The following SH3D19 variants were observed in gnomAD, a reference collection of about 807,000 sequenced individuals.
SH3D19 encodes SH3 domain containing 19, also known as SH3 domain-containing protein 19.
Under a neutral mutation model 112.1 loss-of-function variants are expected in SH3D19, and 58 were observed. That is an observed-to-expected ratio of 0.52 (90% confidence interval 0.42 to 0.64). The LOEUF is 0.64. SH3D19 is among the 30% of genes least tolerant of loss of function. The pLI, the probability that SH3D19 is intolerant of heterozygous loss-of-function variation, is 0.00. For synonymous variants in SH3D19, 391 were observed against 448.5 expected (o/e 0.87, Z 1.62); for missense variants, 1,090 against 1,263.4 (o/e 0.86, Z 2.08).
At chr4:151,221,902 C>G (rs770920186) in intron 2 of SH3D19, among the ~76,000 whole-genome samples, 1 of 152,092 alleles carries the variant, frequency 6.6e-6, no homozygotes, top group Non-Finnish European at 1.5e-5. Flanking sequence ...AACAATGGAC[C>G]CTCCTTCAAC....
At chr4:151,279,851 A>G in intron 1 of SH3D19, 1 of 1,603,606 alleles carries the variant, frequency 6.2e-7, no homozygotes, top group Non-Finnish European at 8.5e-7. Context: ...ATGCTGCTGC[A>G]GGGCGCTGGC....
chr4:151,216,554 G>A (rs1243360035), intron 2 of SH3D19, among the ~76,000 whole-genome samples: 1 of 152,120 alleles, frequency 6.6e-6, no homozygotes, highest in Non-Finnish European at 1.5e-5. Context: ...GGGAAAGAGA[G>A]GAAAGAATTA....
intron 1 of SH3D19, among the ~76,000 whole-genome samples, chr4:151,265,358 A>G (rs1226854313): frequency 2.6e-5 from 4 of 151,476 alleles, no homozygotes; most frequent in Non-Finnish European, 5.9e-5. Flanking sequence ...ATCAGTTGAA[A>G]AAAAAAAAAA....
chr4:151,210,488 G>A (rs561340064), intron 2 of SH3D19, among the ~76,000 whole-genome samples: 3 of 147,020 alleles, frequency 2.0e-5, no homozygotes, highest in Admixed American at 6.9e-5. Context: ...TGCAAGCTCC[G>A]CCTCCTGGGT....
intron 1 of SH3D19, among the ~76,000 whole-genome samples, chr4:151,257,881 G>A (rs1250237660): frequency 1.3e-5 from 2 of 152,138 alleles, no homozygotes; most frequent in Non-Finnish European, 2.9e-5. Context: ...TGTACTTCTA[G>A]CCTAGGTAAG....
chr4:151,323,159 A>G (rs1485445385), intron 1 of SH3D19, among the ~76,000 whole-genome samples: 2 of 152,152 alleles, frequency 1.3e-5, no homozygotes, highest in East Asian at 3.8e-4. Flanking sequence ...AACCACTCCA[A>G]AATTTATCAG....
intron 1 of SH3D19, among the ~76,000 whole-genome samples, chr4:151,312,920 A>AAAAT (rs1418480368): frequency 2.0e-5 from 3 of 150,074 alleles, no homozygotes; most frequent in African/African-American, 4.9e-5. Context: ...AAAAATAAAT[A>AAAAT]AAATAAATAA....
At chr4:151,227,152 A>C (rs1311634669) in intron 1 of SH3D19, among the ~76,000 whole-genome samples, 2 of 152,244 alleles carry the variant, frequency 1.3e-5, no homozygotes, top group Non-Finnish European at 2.9e-5. Context: ...ATGGCAACGT[A>C]AAGATTAAGA....
chr4:151,189,649 G>A (rs138455042), intron 2 of SH3D19, among the ~76,000 whole-genome samples: 15 of 152,232 alleles, frequency 9.9e-5, no homozygotes, highest in Non-Finnish European at 1.5e-4. Context: ...CTTGTCTGCC[G>A]CCTTGTGAGA....
Position 151,311,348 on chromosome 4 carries a change from A to T in SH3D19, c.112+13893T>A, listed in dbSNP as rs142273741. Among the ~76,000 whole-genome samples the T allele has an allele frequency of 5.0e-3, 766 of 151,956 alleles. 5 individuals carry two copies. The highest frequency in any genetic ancestry group is 6.1e-3 in the Non-Finnish European group (414 of 67,942). Reference sequence around the variant, plus strand: ...GAGGTCAAGGATGCAGTGAGCCATGATCATGCCACTGCACTCCAGCCTGGG... The same window carrying T: ...GAGGTCAAGGATGCAGTGAGCCATGTTCATGCCACTGCACTCCAGCCTGGG... On this transcript the variant is annotated intron_variant, in intron 1 of 19. Transcript: ENST00000604030.
intron 12 of SH3D19, among the ~76,000 whole-genome samples, chr4:151,143,406 C>T (rs1472692668): frequency 1.3e-5 from 2 of 151,986 alleles, no homozygotes; most frequent in Admixed American, 6.6e-5. Context: ...GAACTTGCCC[C>T]GTGGGAGCTA....
chr4:151,237,830 C>T (rs1207239046), intron 1 of SH3D19, among the ~76,000 whole-genome samples: 1 of 152,128 alleles, frequency 6.6e-6, no homozygotes, highest in African/African-American at 2.4e-5. Context: ...ATTTCTTAAT[C>T]TGCAGGATTT....
Position 151,325,237 on chromosome 4 carries a change from T to C in SH3D19, c.112+4A>G. On this transcript the variant is annotated splice_donor_region_variant and intron_variant, in intron 1 of 19. Coordinates refer to ENST00000604030, the MANE Select transcript of SH3D19 (RefSeq NM_001378122.1). ...CCCGCCGCCCCGTCCCCCGCGCCTCTCACCTGCGGCCGAGTGGCCCGAGAG... is the reference window on the plus strand; with the variant it reads ...CCCGCCGCCCCGTCCCCCGCGCCTCCCACCTGCGGCCGAGTGGCCCGAGAG... 1.6e-6 allele frequency: 2 copies of C among 1,219,360 alleles called. No individual in the cohort carries two copies. The highest frequency in any genetic ancestry group is 2.0e-6 in the Non-Finnish European group (2 of 979,542). The allele number at this position is 1,219,360 out of a possible 1,614,324, so 75.5% of individuals were successfully genotyped here.
chr4:151,151,253 AC>A (rs1387138953), intron 9 of SH3D19, among the ~76,000 whole-genome samples: 1 of 151,980 alleles, frequency 6.6e-6, no homozygotes, highest in African/African-American at 2.4e-5. Context: ...GAGCCACCAC[AC>A]CCAGTCCCTC....
chr4:151,312,587 T>G (rs1580468750), intron 1 of SH3D19, among the ~76,000 whole-genome samples: 1 of 152,120 alleles, frequency 6.6e-6, no homozygotes, highest in East Asian at 1.9e-4. Context: ...AGCAGTGGCA[T>G]CACCAGGACC....
At chr4:151,323,388 A>G (rs1730740117) in intron 1 of SH3D19, among the ~76,000 whole-genome samples, 1 of 152,258 alleles carries the variant, frequency 6.6e-6, no homozygotes, top group African/African-American at 2.4e-5. Context: ...GGAGGAGAGC[A>G]ACATCTAGCA....
chr4:151,206,179 A>C (rs1025960775), intron 2 of SH3D19, among the ~76,000 whole-genome samples: 1 of 152,222 alleles, frequency 6.6e-6, no homozygotes, highest in Non-Finnish European at 1.5e-5. Context: ...ATGATTTAAG[A>C]CTTTTATCAC....
At chr4:151,154,174 C>A (rs1489018235) in intron 9 of SH3D19, among the ~76,000 whole-genome samples, 3 of 146,962 alleles carry the variant, frequency 2.0e-5, no homozygotes, top group Non-Finnish European at 4.5e-5. Context: ...TTCTTGTTGC[C>A]CAGGCTGGAG....
chr4:151,216,120 C>T (rs746662535), intron 2 of SH3D19, among the ~76,000 whole-genome samples: 4 of 152,290 alleles, frequency 2.6e-5, no homozygotes, highest in South Asian at 2.1e-4. Context: ...TGAGCCACCG[C>T]GCCCAGCCAG....
Sources: gnomAD v4.1 joint callset for allele counts (sites outside exome capture counted in the v4.1 genomes callset) on GRCh38, gnomAD v4.1.1 for gene constraint, MANE v1.5 for transcripts, NCBI Gene and HGNC (gene_info 2026-07-23, HGNC 2026-07-21) for gene names.